Variants in ABCA12 observed in about 807,000 individuals in gnomAD.
The protein encoded by ABCA12 is ATP binding cassette subfamily A member 12, also known as glucosylceramide transporter ABCA12.
ABCA12 carries 156 observed loss-of-function variants against 293.5 expected under a neutral mutation model. The observed-to-expected ratio is 0.53, with a 90% CI of 0.47 to 0.61. The LOEUF (loss-of-function observed/expected upper bound fraction) is 0.61, where lower values mean the gene tolerates loss of function less well. ABCA12 is among the 20% of genes least tolerant of loss of function. ABCA12 has a pLI of 0.00. For synonymous variants in ABCA12, 1,063 were observed against 1,108.0 expected (o/e 0.96, Z 0.81); for missense variants, 2,797 against 3,090.2 (o/e 0.91, Z 2.25).
At chr2:215,105,887 A>C (rs1017690727) in intron 2 of ABCA12, among the ~76,000 whole-genome samples, 15 of 152,320 alleles carry the variant, frequency 9.8e-5, no homozygotes, top group Non-Finnish European at 1.9e-4. Context: ...ATCCACAGCA[A>C]AAGACAAATG....
At position 215,019,605 on chromosome 2, in the gene ABCA12, G is replaced by T. The variant is rs1199692390; in HGVS notation, c.1479C>A (p.Val493=). Residue 493 remains valine, a synonymous_variant, in exon 12 of 53, where the codon GTC becomes GTA. Transcript: ENST00000272895. ...IAASLLYHDN[V]ISKKVRDLLT... is the part of the protein sequence containing the mutation. ...GCAAATCTCTCACTTTTTTAGATAT[G>T]ACATTGTCATGGTACAGTAAGCTGG... 4 of 1,614,162 alleles carry T rather than the reference G, an allele frequency of 2.5e-6. No individual in the cohort carries two copies. Among genetic ancestry groups the T allele is most frequent in the Non-Finnish European group, 3.4e-6 (4 of 1,180,038 alleles).
intron 2 of ABCA12, among the ~76,000 whole-genome samples, chr2:215,103,812 C>G (rs1465647008): frequency 6.6e-6 from 1 of 151,930 alleles, no homozygotes; most frequent in Admixed American, 6.6e-5. Flanking sequence ...TTGCTATTTA[C>G]TTCTCAGATC....
chr2:215,086,272 T>C (rs555046907), intron 2 of ABCA12, among the ~76,000 whole-genome samples: 4 of 152,350 alleles, frequency 2.6e-5, no homozygotes, highest in Admixed American at 2.6e-4. Context: ...TAGTTACTTC[T>C]AATCTACAAT....
At position 215,015,514 on chromosome 2, in the gene ABCA12, T is replaced by C; in HGVS notation, c.1932A>G (p.Leu644=). 6.2e-7 allele frequency: 1 copy of C among 1,614,140 alleles called. No individual in the cohort carries two copies. The highest frequency in any genetic ancestry group is 8.5e-7 in the Non-Finnish European group (1 of 1,179,998). Residue 644 remains leucine (L), a synonymous_variant, in exon 15 of 53, where the codon TTA becomes TTG. Coordinates refer to ENST00000272895, the MANE Select transcript of ABCA12 (RefSeq NM_173076.3). ...CCTTGTATGTGAAGTTGTAAATGTT[T>C]AAGTAGTGCAGAAGGGTGAGTCCGA... ...YLIGLTLLHY[L]NIYNFTYKVF...
intron 1 of ABCA12, among the ~76,000 whole-genome samples, chr2:215,135,416 C>T (rs1703204279): frequency 6.6e-6 from 1 of 152,068 alleles, no homozygotes; most frequent in African/African-American, 2.4e-5. Context: ...GTCTTCCCAC[C>T]ACCTTGCTTT....
chr2:215,093,374 A>G (rs989787757), intron 2 of ABCA12, among the ~76,000 whole-genome samples: 8 of 152,054 alleles, frequency 5.3e-5, no homozygotes, highest in Non-Finnish European at 1.2e-4. Context: ...AACCTGGCTG[A>G]CCCCATAAAT....
intron 15 of ABCA12, among the ~76,000 whole-genome samples, chr2:215,014,194 G>T (rs1242138277): frequency 6.8e-6 from 1 of 147,472 alleles, no homozygotes; most frequent in African/African-American, 2.5e-5. Context: ...AAAAAAAAAA[G>T]GTTTAAAAAT....
At chr2:215,026,151 C>A (rs1375178676) in intron 10 of ABCA12, among the ~76,000 whole-genome samples, 2 of 152,140 alleles carry the variant, frequency 1.3e-5, no homozygotes, top group Admixed American at 6.5e-5. Context: ...TTGATTAATT[C>A]ATACCTTGTA....
In ABCA12 at chr2:214,942,309, A is replaced by C. The variant is rs1275830924; in HGVS notation, c.7436+616T>G. Among the ~76,000 whole-genome samples the C allele has an allele frequency of 5.3e-5, 8 of 152,180 alleles. No individual in the cohort carries two copies. The East Asian group carries it at 1.5e-3, about 29-fold the overall frequency. ...TTTTTTCCTTATCTTGGTTAATGCT[A>C]TCTTGCAAGAAAGTCAACTTGTTAT... On this transcript the variant is annotated intron_variant, in intron 50 of 52. Coordinates refer to ENST00000272895, the MANE Select transcript of ABCA12 (RefSeq NM_173076.3).
chr2:215,002,087 G>A (rs1351452304), intron 20 of ABCA12, among the ~76,000 whole-genome samples: 1 of 152,140 alleles, frequency 6.6e-6, no homozygotes, highest in Non-Finnish European at 1.5e-5. Flanking sequence ...CCAGAGATGT[G>A]AGTTTAGAAT....
At chr2:215,118,547 A>G (rs143252539) in intron 1 of ABCA12, among the ~76,000 whole-genome samples, 89 of 152,336 alleles carry the variant, frequency 5.8e-4, no homozygotes, top group African/African-American at 2.0e-3. Context: ...TCATAGTGTC[A>G]TAGTTTTGGA....
chr2:215,034,103 G>A (rs1166408907), intron 8 of ABCA12, among the ~76,000 whole-genome samples: 2 of 152,012 alleles, frequency 1.3e-5, no homozygotes, highest in Non-Finnish European at 2.9e-5. Flanking sequence ...TTTATATAAT[G>A]TACTATTTTG....
chr2:214,978,778 G>T (rs1559126448), intron 32 of ABCA12, 26 bp downstream of exon 32: 2 of 1,604,226 alleles, frequency 1.2e-6, no homozygotes, highest in Non-Finnish European at 1.7e-6. Flanking sequence ...TCAGCTTGAA[G>T]AAAAAAAAGA....
At chr2:215,080,511 G>A (rs2948969) in intron 2 of ABCA12, among the ~76,000 whole-genome samples, 147,430 of 150,424 alleles carry the variant, frequency 0.98, 72,265 homozygotes, top group South Asian at 1. Context: ...TCAAAAAAAA[G>A]AAAAGATGCA....
intron 2 of ABCA12, among the ~76,000 whole-genome samples, chr2:215,064,483 G>A (rs776596402): frequency 1.1e-4 from 16 of 151,826 alleles, no homozygotes; most frequent in Non-Finnish European, 2.1e-4. Context: ...TCCCTTCCTG[G>A]GATTTATTCT....
In ABCA12 at chr2:215,134,661, AGAGAG is replaced by A. The variant is rs1459092320; in HGVS notation, c.69+3474_69+3478del. Among the ~76,000 whole-genome samples the A allele has an allele frequency of 5.8e-3, 855 of 146,522 alleles. 17 individuals carry two copies. Among genetic ancestry groups the A allele is most frequent in the African/African-American group, 0.02 (803 of 39,894 alleles). On this transcript the variant is annotated intron_variant, in intron 1 of 52. Coordinates refer to ENST00000272895, the MANE Select transcript of ABCA12 (RefSeq NM_173076.3). ...GAGAGACAAACAGAGAGAGAGAGAG[AGAGAG>A]AGACAGGGTCAAACTTTTTTGTCCA... is the stretch of plus-strand genomic sequence containing the variant.
chr2:214,937,229 C>T (rs754036958), intron 51 of ABCA12, among the ~76,000 whole-genome samples: 7 of 152,146 alleles, frequency 4.6e-5, no homozygotes, highest in Non-Finnish European at 8.8e-5. Flanking sequence ...GACAGAGTCT[C>T]GCTTTGTCAC....
chr2:214,985,341 G>A (rs1017692440), intron 28 of ABCA12, among the ~76,000 whole-genome samples: 4 of 152,072 alleles, frequency 2.6e-5, no homozygotes, highest in Non-Finnish European at 5.9e-5. Flanking sequence ...ACTTATAAGT[G>A]GGAACTAAAT....
intron 1 of ABCA12, among the ~76,000 whole-genome samples, chr2:215,131,851 T>C (rs76507227): frequency 0.034 from 5,208 of 152,010 alleles, 147 homozygotes; most frequent in African/African-American, 0.065. Context: ...GAGAGCTTTC[T>C]ATCTTTTTGA....
Sources: gnomAD v4.1 joint callset for allele counts (sites outside exome capture counted in the v4.1 genomes callset) on GRCh38, gnomAD v4.1.1 for gene constraint, MANE v1.5 for transcripts, NCBI Gene and HGNC (gene_info 2026-07-23, HGNC 2026-07-21) for gene names.